The following CADM2 variants were observed in gnomAD, a reference collection of about 807,000 sequenced individuals.
CADM2 encodes the protein immunoglobulin superfamily member 4D.
A neutral mutation model predicts 49.8 loss-of-function variants in CADM2; 12 were observed. The ratio of observed to expected loss-of-function variants is 0.24; its 90% confidence interval spans 0.15 to 0.39. The LOEUF is 0.39. Among genes scored for constraint, CADM2 ranks in the 10% least tolerant of loss-of-function variants. The probability of loss-of-function intolerance (pLI) is 1.00; values close to 1 mark genes in which losing one functional copy is unlikely to be tolerated. For missense variants in CADM2, 378 were observed against 492.3 expected, an observed-to-expected ratio of 0.77 and a Z score of 2.20; for synonymous variants, 214 against 175.4, an observed-to-expected ratio of 1.22 and a Z score of -1.74.
At chr3:85,890,937 G>A (rs555635600) in intron 5 of CADM2, among the ~76,000 whole-genome samples, 2 of 152,246 alleles carry the variant, frequency 1.3e-5, no homozygotes, top group South Asian at 2.1e-4. Context: ...GAAGTAAACA[G>A]AGAGGCAGGG....
At chr3:85,918,076 A>G (rs908223074) in intron 6 of CADM2, among the ~76,000 whole-genome samples, 2 of 152,142 alleles carry the variant, frequency 1.3e-5, no homozygotes, top group Admixed American at 6.6e-5. Context: ...GGTTTTCTAG[A>G]TATACAATCA....
intron 1 of CADM2, among the ~76,000 whole-genome samples, chr3:85,212,834 C>CTTTCTT (rs1479655920): frequency 1.9e-5 from 2 of 106,308 alleles, no homozygotes; most frequent in African/African-American, 8.5e-5. Flanking sequence ...TTCTTTCTTT[C>CTTTCTT]TTTCTTTCTT....
intron 1 of CADM2, among the ~76,000 whole-genome samples, chr3:85,348,422 T>C (rs1445468388): frequency 6.6e-6 from 1 of 152,208 alleles, no homozygotes; most frequent in Non-Finnish European, 1.5e-5. Context: ...AATATCTGGG[T>C]ACCCCATGGC....
intron 1 of CADM2, chr3:84,960,307 A>C (rs2030354347): frequency 6.6e-6 from 1 of 152,200 alleles, no homozygotes; most frequent in South Asian, 2.1e-4. Context: ...TGGGATTTAA[A>C]AAAAAAGAAA....
chr3:85,045,955 A>G (rs1218249656), intron 1 of CADM2, among the ~76,000 whole-genome samples: 2 of 152,094 alleles, frequency 1.3e-5, no homozygotes, highest in Non-Finnish European at 2.9e-5. Context: ...TGTCTTTTCT[A>G]GTTGAAAGAA....
intron 1 of CADM2, among the ~76,000 whole-genome samples, chr3:85,313,399 A>G (rs1439205098): frequency 1.3e-5 from 2 of 152,222 alleles, no homozygotes; most frequent in Admixed American, 6.5e-5. Context: ...ATTCACCACC[A>G]GTAGATATTT....
chr3:85,365,217 A>G (rs1308968117), intron 1 of CADM2, among the ~76,000 whole-genome samples: 2 of 39,918 alleles, frequency 5.0e-5, no homozygotes, highest in African/African-American at 1.1e-4. Context: ...TTTTTTTTAG[A>G]TAATTCCCTG....
chr3:85,090,392 T>A (rs946453490), intron 1 of CADM2, among the ~76,000 whole-genome samples: 4 of 152,200 alleles, frequency 2.6e-5, no homozygotes, highest in African/African-American at 9.6e-5. Context: ...AGTAAGTTCA[T>A]AGAAAAACAC....
At chr3:84,969,209 G>A (rs1293412134) in intron 1 of CADM2, among the ~76,000 whole-genome samples, 2 of 151,926 alleles carry the variant, frequency 1.3e-5, no homozygotes, top group Admixed American at 6.6e-5. Flanking sequence ...ACTGCAACTT[G>A]TGTCTTTTAT....
In CADM2 at chr3:86,071,797, T is replaced by A. The variant is rs1178889830; in HGVS notation, c.*5014T>A. On this transcript the variant is annotated 3_prime_UTR_variant, in exon 10 of 10. Transcript: ENST00000383699. ...AAATATTATAACTTTATAAGAATAG[T>A]CCTTCTCCTGCCTATTTAATATTTC... 1 of 151,958 alleles carries A rather than the reference T, an allele frequency of 6.6e-6. No homozygotes were observed. Among genetic ancestry groups the A allele is most frequent in the Admixed American group, 6.6e-5 (1 of 15,210 alleles). The allele number at this position is 151,958 out of a possible 1,614,324, so 9.4% of individuals were successfully genotyped here.
intron 1 of CADM2, among the ~76,000 whole-genome samples, chr3:85,681,015 GAC>G (rs2066027222): frequency 6.6e-6 from 1 of 152,090 alleles, no homozygotes; most frequent in Non-Finnish European, 1.5e-5. Context: ...ATTTTCATCA[GAC>G]AGTAAATGAG....
intron 1 of CADM2, among the ~76,000 whole-genome samples, chr3:85,385,450 C>G (rs1182320289): frequency 1.3e-5 from 2 of 152,010 alleles, no homozygotes; most frequent in African/African-American, 4.8e-5. Flanking sequence ...GTCCTATGGC[C>G]TTTTGCAAGT....
chr3:85,214,517 C>A (rs571987903), intron 1 of CADM2, among the ~76,000 whole-genome samples: 23 of 152,046 alleles, frequency 1.5e-4, no homozygotes, highest in Non-Finnish European at 2.4e-4. Context: ...TCTTTCCCTT[C>A]AGGGTGATGA....
chr3:85,490,039 G>A (rs2039606113), intron 1 of CADM2, among the ~76,000 whole-genome samples: 1 of 144,114 alleles, frequency 6.9e-6, no homozygotes, highest in Admixed American at 7.2e-5. Flanking sequence ...TACAATATTA[G>A]AAATGCCTTC....
chr3:85,951,641 G>C (rs1723436236), intron 7 of CADM2, among the ~76,000 whole-genome samples: 1 of 150,922 alleles, frequency 6.6e-6, no homozygotes, highest in African/African-American at 2.4e-5. Context: ...TATTTCAACA[G>C]ATTGGAAAAC....
At position 85,598,035 on chromosome 3, in the gene CADM2, A is replaced by G. The variant is rs114526502; in HGVS notation, c.62-128487A>G. Among the ~76,000 whole-genome samples the G allele has an allele frequency of 4.5e-3, 678 of 152,144 alleles. 6 individuals are homozygous for G. Among genetic ancestry groups the G allele is most frequent in the African/African-American group, 0.015 (610 of 41,538 alleles). ...TTAGCAATTTTACATATAGCTTTAG[A>G]TTACATCCTAAATCTAGCCATGTTG... On this transcript the variant is annotated intron_variant, in intron 1 of 9. Coordinates refer to ENST00000383699, the MANE Select transcript of CADM2 (RefSeq NM_001167675.2).
Position 84,975,088 on chromosome 3 carries a change from ACCTCCCTTTCAAGAAAAGTGACCT to A in CADM2, c.61+15422_61+15445del, listed in dbSNP as rs1339077425. ...AAAGGAAATTTTGTTTGCCTAATTT[ACCTCCCTTTCAAGAAAAGTGACCT>A]CAATTAGGCTGTCTGTTAATCTTTT... On this transcript the variant is annotated intron_variant, in intron 1 of 9. Transcript: ENST00000383699. Among the ~76,000 whole-genome samples, 11 of 151,946 alleles carry A rather than the reference ACCTCCCTTTCAAGAAAAGTGACCT, an allele frequency of 7.2e-5. 1 individual carries two copies. In the East Asian group the frequency reaches 7.7e-4, roughly 11 times the overall value.
At chr3:85,114,642 T>G (rs1402803860) in intron 1 of CADM2, among the ~76,000 whole-genome samples, 2 of 152,122 alleles carry the variant, frequency 1.3e-5, no homozygotes, top group Admixed American at 1.3e-4. Flanking sequence ...GCTTAAACAG[T>G]TCAGTGAGCA....
chr3:85,714,562 G>T lies in CADM2; in HGVS notation c.62-11960G>T, dbSNP rs557353562. On this transcript the variant is annotated intron_variant, in intron 1 of 9. Coordinates refer to ENST00000383699, the MANE Select transcript of CADM2 (RefSeq NM_001167675.2). ...CTGCCTCAGCCTCCTGAGTAACTGG[G>T]ACTACAGACACCCGCCACCACGCCC... 3.3e-5 allele frequency among the ~76,000 whole-genome samples: 5 copies of T among 151,992 alleles called. No individual in the cohort carries two copies. In the East Asian group the frequency reaches 9.7e-4, roughly 30 times the overall value.
Sources: allele counts gnomAD v4.1 joint callset (sites outside exome capture counted in the v4.1 genomes callset), GRCh38; gene constraint gnomAD v4.1.1; transcripts MANE v1.5; gene names NCBI Gene and HGNC (gene_info 2026-07-23, HGNC 2026-07-21).